The following FHIT variants were observed in gnomAD, a reference collection of about 807,000 sequenced individuals.
The protein encoded by FHIT is fragile histidine triad diadenosine triphosphatase.
FHIT carries 19 observed loss-of-function variants against 17.9 expected under a neutral mutation model. The observed-to-expected ratio is 1.06, with a 90% CI of 0.74 to 1.56. FHIT has a LOEUF of 1.56. Among genes scored for constraint, FHIT ranks in the 40% most tolerant of loss-of-function variants. FHIT has a pLI of 0.00. For synonymous variants in FHIT, 81 were observed against 69.7 expected, an observed-to-expected ratio of 1.16 and a Z score of -0.81; for missense variants, 248 against 189.2, an observed-to-expected ratio of 1.31 and a Z score of -1.82.
intron 4 of FHIT, among the ~76,000 whole-genome samples, chr3:60,789,205 GGA>G (rs1233237532): frequency 6.7e-6 from 1 of 149,340 alleles, no homozygotes; most frequent in Admixed American, 6.7e-5. Context: ...GAGAGACAGA[GGA>G]GAGAGAGAGC....
chr3:60,334,278 G>A (rs1710129106), intron 5 of FHIT, among the ~76,000 whole-genome samples: 1 of 152,152 alleles, frequency 6.6e-6, no homozygotes, highest in Admixed American at 6.5e-5. Flanking sequence ...CCATCTGCCT[G>A]ACCAACAGTT....
intron 8 of FHIT, among the ~76,000 whole-genome samples, chr3:59,904,932 T>C (rs926029749): frequency 3.3e-5 from 5 of 152,122 alleles, no homozygotes; most frequent in Non-Finnish European, 5.9e-5. Flanking sequence ...CACAACAGTG[T>C]AGAAAACCAA....
chr3:60,812,742 C>G (rs1328677490), intron 4 of FHIT, among the ~76,000 whole-genome samples: 1 of 151,822 alleles, frequency 6.6e-6, no homozygotes, highest in Non-Finnish European at 1.5e-5. Context: ...ATATGCATAC[C>G]CTAACAAAAA....
intron 5 of FHIT, among the ~76,000 whole-genome samples, chr3:60,155,356 C>T (rs1216060200): frequency 6.6e-6 from 1 of 152,138 alleles, no homozygotes; most frequent in Non-Finnish European, 1.5e-5. Flanking sequence ...GATCCTGAAC[C>T]AAACACAGCA....
At chr3:59,950,162 G>C (rs922638809) in intron 7 of FHIT, among the ~76,000 whole-genome samples, 1 of 152,136 alleles carries the variant, frequency 6.6e-6, no homozygotes, top group Non-Finnish European at 1.5e-5. Context: ...ATGTTCTAAA[G>C]ATCACATGCA....
At chr3:60,216,673 G>C (rs1703713812) in intron 5 of FHIT, among the ~76,000 whole-genome samples, 1 of 152,146 alleles carries the variant, frequency 6.6e-6, no homozygotes, top group Non-Finnish European at 1.5e-5. Flanking sequence ...AACAAGGCTG[G>C]TTGGATAGAT....
intron 8 of FHIT, among the ~76,000 whole-genome samples, chr3:59,902,804 G>T (rs528197528): frequency 2.0e-5 from 3 of 152,282 alleles, no homozygotes; most frequent in African/African-American, 7.2e-5. Context: ...TGGGGGAAAT[G>T]GGAATAATCT....
chr3:60,595,530 C>CAT (rs1462377318), intron 4 of FHIT, among the ~76,000 whole-genome samples: 41 of 29,982 alleles, frequency 1.4e-3, no homozygotes, highest in African/African-American at 0.011. Flanking sequence ...TGGACACACA[C>CAT]ACATATATAT....
At chr3:59,927,780 A>G (rs1189883734) in intron 7 of FHIT, among the ~76,000 whole-genome samples, 1 of 151,960 alleles carries the variant, frequency 6.6e-6, no homozygotes, top group Non-Finnish European at 1.5e-5. Context: ...AAACAACAAC[A>G]ACAACAACAA....
chr3:60,965,311 T>C (rs908559390), intron 3 of FHIT, among the ~76,000 whole-genome samples: 1 of 152,230 alleles, frequency 6.6e-6, no homozygotes, highest in Non-Finnish European at 1.5e-5. Flanking sequence ...TCTACACTGA[T>C]TATTCTAGTT....
At chr3:60,252,542 C>A (rs188475297) in intron 5 of FHIT, among the ~76,000 whole-genome samples, 2 of 150,952 alleles carry the variant, frequency 1.3e-5, no homozygotes, top group Non-Finnish European at 3.0e-5. Flanking sequence ...CTAGCCTGGG[C>A]GACAGTGAAA....
chr3:60,066,451 C>G (rs542150622), intron 5 of FHIT, among the ~76,000 whole-genome samples: 64 of 151,992 alleles, frequency 4.2e-4, no homozygotes, highest in African/African-American at 1.4e-3. Context: ...GCATTATATT[C>G]TCATGTCCAC....
intron 5 of FHIT, among the ~76,000 whole-genome samples, chr3:60,334,383 T>C (rs1312945623): frequency 6.6e-6 from 1 of 152,186 alleles, no homozygotes; most frequent in Non-Finnish European, 1.5e-5. Flanking sequence ...ACTCAACTAA[T>C]AATACAAGAG....
At chr3:60,878,715 C>A (rs1229365122) in intron 3 of FHIT, among the ~76,000 whole-genome samples, 1 of 152,046 alleles carries the variant, frequency 6.6e-6, no homozygotes, top group Non-Finnish European at 1.5e-5. Context: ...GTTCAATTCC[C>A]ACCTATGAGT....
chr3:60,351,704 C>T (rs1699402824), intron 5 of FHIT, among the ~76,000 whole-genome samples: 1 of 152,160 alleles, frequency 6.6e-6, no homozygotes, highest in African/African-American at 2.4e-5. Flanking sequence ...TACTACTTGC[C>T]CTGGGGCCTT....
chr3:61,223,212 A>G (rs898016185), intron 1 of FHIT, among the ~76,000 whole-genome samples: 2 of 152,170 alleles, frequency 1.3e-5, no homozygotes, highest in Non-Finnish European at 2.9e-5. Context: ...CATTCGACAA[A>G]TTTTCATTTT....
At chr3:60,217,074 G>A (rs1438352126) in intron 5 of FHIT, among the ~76,000 whole-genome samples, 3 of 152,136 alleles carry the variant, frequency 2.0e-5, no homozygotes, top group Non-Finnish European at 4.4e-5. Flanking sequence ...TAAAGCATTA[G>A]CATGTTGAAT....
intron 3 of FHIT, among the ~76,000 whole-genome samples, chr3:60,969,341 C>A (rs904916241): frequency 1.3e-5 from 2 of 151,670 alleles, no homozygotes; most frequent in Non-Finnish European, 2.9e-5. Flanking sequence ...TTTTTTATTT[C>A]TGATTATTAT....
chr3:60,540,989 C>A (rs551999316), intron 4 of FHIT, among the ~76,000 whole-genome samples: 5 of 152,266 alleles, frequency 3.3e-5, no homozygotes, highest in Non-Finnish European at 4.4e-5. Flanking sequence ...ACCTACTGAA[C>A]CAGAAACTCT....
Sources: gnomAD v4.1 joint callset for allele counts (sites outside exome capture counted in the v4.1 genomes callset) on GRCh38, gnomAD v4.1.1 for gene constraint, MANE v1.5 for transcripts, NCBI Gene and HGNC (gene_info 2026-07-23, HGNC 2026-07-21) for gene names.